KIF16B: variants seen among roughly 807,000 people sequenced by gnomAD.
KIF16B encodes the protein kinesin family member 16B.
A neutral mutation model predicts 156.3 loss-of-function variants in KIF16B; 98 were observed. The ratio of observed to expected loss-of-function variants is 0.63; its 90% CI spans 0.53 to 0.74. The LOEUF is 0.74. Among genes scored for constraint, KIF16B ranks in the 30% least tolerant of loss-of-function variants. The pLI, the probability that KIF16B is intolerant of heterozygous loss-of-function variation, is 0.00. For synonymous variants in KIF16B, 564 were observed against 583.7 expected (o/e 0.97, Z 0.49); for missense variants, 1,421 against 1,606.5 (o/e 0.88, Z 1.97).
In KIF16B at chr20:16,378,839, C is replaced by T. The variant is rs763578972; in HGVS notation, c.3163G>A (p.Ala1055Thr). The change falls in exon 19 of 26, where the codon GCT becomes ACT. Residue 1055 changes from alanine (A) to threonine (T), a missense_variant. Coordinates refer to ENST00000354981, the MANE Select transcript of KIF16B (RefSeq NM_024704.5). ...TCCTTCTCCAGGGCTTCCTGCTCAG[C>T]CTCCAGGCTAGCCTGGAGCCCTGAC... ...EQSGLQASLE[A>T]EQEALEKDQE... 2 of 1,612,282 alleles carry T rather than the reference C, an allele frequency of 1.2e-6. No individual in the cohort carries two copies. Among genetic ancestry groups the T allele is most frequent in the Admixed American group, 3.3e-5 (2 of 59,828 alleles).
chr20:16,506,873 T>C (rs2068796257), intron 7 of KIF16B, among the ~76,000 whole-genome samples: 1 of 151,756 alleles, frequency 6.6e-6, no homozygotes, highest in Non-Finnish European at 1.5e-5. Context: ...GGTGGGAGGA[T>C]CGCTTGAGCC....
chr20:16,552,860 G>C (rs1386010111), intron 1 of KIF16B, among the ~76,000 whole-genome samples: 3 of 151,758 alleles, frequency 2.0e-5, no homozygotes, highest in African/African-American at 7.3e-5. Flanking sequence ...CAACCTTCTG[G>C]GTTCAAGCAA....
At position 16,532,796 on chromosome 20, in the gene KIF16B, T is replaced by C. The variant is rs533342784; in HGVS notation, c.48-4356A>G. Among the ~76,000 whole-genome samples the C allele has an allele frequency of 4.9e-4, 74 of 152,340 alleles. 1 individual carries two copies. The South Asian group carries it at 0.011, about 23-fold the overall frequency. On this transcript the variant is annotated intron_variant, in intron 1 of 25. Transcript: ENST00000354981. Reference sequence around the variant, plus strand: ...GAAATATTAGAAGTGATCGTGGTAATGCTCACATTGACTTGTCAATTCTTG... The same window carrying C: ...GAAATATTAGAAGTGATCGTGGTAACGCTCACATTGACTTGTCAATTCTTG...
intron 25 of KIF16B, 54 bp from the exon 26 acceptor site, chr20:16,273,465 G>T: frequency 6.6e-7 from 1 of 1,513,572 alleles, no homozygotes; most frequent in Non-Finnish European, 9.2e-7. Context: ...CAAGGCGGGT[G>T]GGATCGCTTG....
At chr20:16,515,268 C>A (rs540254173) in intron 4 of KIF16B, among the ~76,000 whole-genome samples, 1 of 152,006 alleles carries the variant, frequency 6.6e-6, no homozygotes, top group Non-Finnish European at 1.5e-5. Flanking sequence ...AAATTACTTA[C>A]GGGCCCAACA....
chr20:16,528,381 G>C lies in KIF16B; in HGVS notation c.107C>G (p.Thr36Arg), dbSNP rs368261164. The C allele has an allele frequency of 3.7e-6, 6 of 1,613,800 alleles. No homozygotes were observed. The highest frequency in any genetic ancestry group is 5.1e-6 in the Non-Finnish European group (6 of 1,179,734). Residue 36 changes from threonine (T) to arginine (R), a missense_variant, in exon 2 of 26, where the codon ACA becomes AGA. Thr to Arg is a moderately conservative substitution (Grantham distance 71, BLOSUM62 -1). Coordinates refer to ENST00000354981, the MANE Select transcript of KIF16B (RefSeq NM_024704.5). Reference sequence around the variant, plus strand: ...CAGGTCATGACTTGCCTTTAAGTTTGTGATTGTCGTTTTGCTTTTCTCCAT... The same window carrying C: ...CAGGTCATGACTTGCCTTTAAGTTTCTGATTGTCGTTTTGCTTTTCTCCAT... ...IQMEKSKTTITNLKIPEGGTG... is the reference protein window; with the variant it reads ...IQMEKSKTTIRNLKIPEGGTG...
chr20:16,317,545 G>GT (rs1246851544), intron 24 of KIF16B, among the ~76,000 whole-genome samples: 1 of 152,182 alleles, frequency 6.6e-6, no homozygotes, highest in Admixed American at 6.5e-5. Flanking sequence ...GTTGAAAAGC[G>GT]TGACTGCACC....
At position 16,375,426 on chromosome 20, in the gene KIF16B, T is replaced by C. The variant is rs1178363696; in HGVS notation, c.3198-1017A>G. On this transcript the variant is annotated intron_variant, in intron 19 of 25. Coordinates refer to ENST00000354981, the MANE Select transcript of KIF16B (RefSeq NM_024704.5). ...CAATTTGACTGCTCTATCTTGAACA[T>C]GAAAGCCAAGTTCTGAATTTTCAGA... 3.9e-4 allele frequency among the ~76,000 whole-genome samples: 60 copies of C among 152,176 alleles called. 1 individual carries two copies. Among genetic ancestry groups the C allele is most frequent in the Non-Finnish European group, 1.5e-5 (1 of 68,034 alleles).
At chr20:16,302,356 ATTGAAAAGACTATTTG>A (rs1453074292) in intron 25 of KIF16B, among the ~76,000 whole-genome samples, 3 of 152,224 alleles carry the variant, frequency 2.0e-5, no homozygotes, top group African/African-American at 4.8e-5. Flanking sequence ...TGTTCCATTT[ATTGAAAAGACTATTTG>A]TTGAAAAGAC....
intron 6 of KIF16B, among the ~76,000 whole-genome samples, chr20:16,510,658 A>G (rs2068929929): frequency 6.6e-6 from 1 of 152,166 alleles, no homozygotes; most frequent in Non-Finnish European, 1.5e-5. Flanking sequence ...CAAAAGATAA[A>G]AAAAGGAATA....
At chr20:16,419,392 T>C (rs970079501) in intron 15 of KIF16B, among the ~76,000 whole-genome samples, 2 of 152,146 alleles carry the variant, frequency 1.3e-5, no homozygotes, top group African/African-American at 4.8e-5. Context: ...GAGATCTATT[T>C]CCCTTTCTAG....
chr20:16,324,984 G>A (rs2063823139), intron 24 of KIF16B, among the ~76,000 whole-genome samples: 1 of 152,016 alleles, frequency 6.6e-6, no homozygotes. Flanking sequence ...CAGGGATGCA[G>A]AGAAGGTTTA....
At chr20:16,386,114 T>C (rs1322034163) in intron 17 of KIF16B, among the ~76,000 whole-genome samples, 1 of 152,138 alleles carries the variant, frequency 6.6e-6, no homozygotes, top group East Asian at 1.9e-4. Context: ...TTCACTGGCA[T>C]GTTGACAAGA....
At chr20:16,425,150 T>C (rs572242499) in intron 15 of KIF16B, among the ~76,000 whole-genome samples, 1 of 152,172 alleles carries the variant, frequency 6.6e-6, no homozygotes, top group Admixed American at 6.5e-5. Flanking sequence ...CATGGCTCCT[T>C]GGAGAATTGG....
At chr20:16,388,840 G>A (rs2065288438) in intron 17 of KIF16B, among the ~76,000 whole-genome samples, 1 of 152,136 alleles carries the variant, frequency 6.6e-6, no homozygotes, top group African/African-American at 2.4e-5. Context: ...TGAACTGAAA[G>A]CATAAATACC....
intron 17 of KIF16B, among the ~76,000 whole-genome samples, chr20:16,403,014 C>T (rs2065693584): frequency 6.6e-6 from 1 of 152,180 alleles, no homozygotes; most frequent in Non-Finnish European, 1.5e-5. Flanking sequence ...GCTAGTGACC[C>T]TGTGCTCAAA....
chr20:16,526,238 T>C, intron 2 of KIF16B, 33 bp from the exon 3 acceptor site: 1 of 1,267,878 alleles, frequency 7.9e-7, no homozygotes, highest in Non-Finnish European at 1.1e-6. Flanking sequence ...ATAATGATAA[T>C]GTAAAGAGCA....
intron 12 of KIF16B, among the ~76,000 whole-genome samples, chr20:16,431,744 G>C (rs1359241866): frequency 6.6e-6 from 1 of 151,370 alleles, no homozygotes; most frequent in Non-Finnish European, 1.5e-5. Context: ...ATATAACATG[G>C]CCCCTTCCTT....
intron 24 of KIF16B, among the ~76,000 whole-genome samples, chr20:16,325,388 T>TA (rs2063829804): frequency 6.6e-6 from 1 of 151,986 alleles, no homozygotes; most frequent in Non-Finnish European, 1.5e-5. Context: ...GATATAATTG[T>TA]ATGCCTAGAA....
Sources: allele counts gnomAD v4.1 joint callset (sites outside exome capture counted in the v4.1 genomes callset), GRCh38; gene constraint gnomAD v4.1.1; transcripts MANE v1.5; gene names NCBI Gene and HGNC (gene_info 2026-07-23, HGNC 2026-07-21).